The following AKR1C2 variants were observed in gnomAD, a reference collection of about 807,000 sequenced individuals.
AKR1C2 encodes aldo-keto reductase family 1 member C2, also known as 3-alpha-HSD3.
Under a neutral mutation model 39.8 loss-of-function variants are expected in AKR1C2, and 27 were observed. The observed-to-expected ratio is 0.68, with a 90% CI of 0.50 to 0.93. The LOEUF (loss-of-function observed/expected upper bound fraction) is 0.93. AKR1C2 is among the 40% of genes least tolerant of loss of function. The pLI is 0.00. For missense variants in AKR1C2, 263 were observed against 365.1 expected (o/e 0.72, Z 2.28); for synonymous variants, 114 against 137.9 (o/e 0.83, Z 1.22).
intron 3 of AKR1C2, 119 bp downstream of exon 3, chr10:5,000,431 C>T (rs782277997): frequency 6.9e-6 from 11 of 1,592,870 alleles, no homozygotes; most frequent in Non-Finnish European, 8.6e-6. Context: ...GTTTAGGGCT[C>T]TTCTTCCATG....
At chr10:5,001,973 C>T (rs1837287724) in intron 1 of AKR1C2, among the ~76,000 whole-genome samples, 1 of 152,132 alleles carries the variant, frequency 6.6e-6, no homozygotes, top group Non-Finnish European at 1.5e-5. Flanking sequence ...CAGGACGCAA[C>T]TATAGTTACA....
intron 7 of AKR1C2, among the ~76,000 whole-genome samples, chr10:4,993,009 A>G (rs1554772433): frequency 1.3e-5 from 2 of 152,062 alleles, no homozygotes; most frequent in African/African-American, 4.8e-5. Context: ...TTATTAAGAG[A>G]TGATTTATTA....
rs184650896 is a variant in AKR1C2 at position 5,001,796 on chromosome 10, T to C, written c.85-115A>G. ...TTCCTCCTTTCTTGGATGAGCTCTG[T>C]ATGTAGAATCATAAGCCCATCCCAG... On this transcript the variant is annotated intron_variant, in intron 1 of 8. Coordinates refer to ENST00000380753, the MANE Select transcript of AKR1C2 (RefSeq NM_001393392.1). The C allele has an allele frequency of 2.3e-4, 309 of 1,368,904 alleles. 2 individuals are homozygous for C. The East Asian group carries it at 5.7e-3, about 25-fold the overall frequency. 84.8% of individuals were successfully genotyped at this position (1,368,904 alleles called of 1,614,324 possible). A position where few individuals can be genotyped will look rare whatever the true frequency, so the allele number is the denominator to read the frequency against.
intron 7 of AKR1C2, among the ~76,000 whole-genome samples, chr10:4,994,072 A>C (rs1836935433): frequency 6.6e-6 from 1 of 151,446 alleles, no homozygotes; most frequent in South Asian, 2.1e-4. Flanking sequence ...ATTTTACTTA[A>C]TGTTTTAGTA....
At position 4,988,989 on chromosome 10, in the gene AKR1C2, A is replaced by C. The variant is rs1319502753; in HGVS notation, c.*1007T>G. The C allele has an allele frequency of 6.6e-6, 1 of 152,164 alleles. No individual in the cohort carries two copies. The highest frequency in any genetic ancestry group is 6.5e-5 in the Admixed American group (1 of 15,280). The allele number at this position is 152,164 out of a possible 1,614,324, so 9.4% of individuals were successfully genotyped here. A position where few individuals can be genotyped will look rare whatever the true frequency, so the allele number is the denominator to read the frequency against. ...GAACATTTGATTTATTAGATGTATT[A>C]TTTCCCATTTTAATCTTGAGTGCCA... On this transcript the variant is annotated 3_prime_UTR_variant, in exon 9 of 9. Transcript: ENST00000380753.
At chr10:5,001,774 C>G in intron 1 of AKR1C2, 93 bp from the exon 2 acceptor site, 1 of 1,550,266 alleles carries the variant, frequency 6.5e-7, no homozygotes, top group Non-Finnish European at 8.8e-7. Context: ...TCAGCTTTTC[C>G]TCCTTTCTTG....
intron 3 of AKR1C2, 69 bp from the exon 4 acceptor site, chr10:4,999,346 T>G: frequency 6.3e-7 from 1 of 1,594,664 alleles, no homozygotes; most frequent in Non-Finnish European, 8.5e-7. Flanking sequence ...TGCTCTGAGG[T>G]ACATTTAAGG....
chr10:5,010,863 T>C (rs1837509094), intron 1 of AKR1C2, among the ~76,000 whole-genome samples: 1 of 152,078 alleles, frequency 6.6e-6, no homozygotes, highest in African/African-American at 2.4e-5. Context: ...AAAGTCTTAA[T>C]TAAATATAAG....
intron 1 of AKR1C2, among the ~76,000 whole-genome samples, chr10:5,002,704 C>G (rs1480274232): frequency 6.6e-6 from 1 of 152,178 alleles, no homozygotes; most frequent in African/African-American, 2.4e-5. Context: ...ATCTTCCCAC[C>G]TTGAAAGTAT....
At chr10:4,990,392 C>A (rs1836794992) in intron 8 of AKR1C2, among the ~76,000 whole-genome samples, 1 of 152,178 alleles carries the variant, frequency 6.6e-6, no homozygotes. Context: ...GGAACTCCTT[C>A]TGCCTTACAT....
chr10:4,996,051 A>AT, intron 5 of AKR1C2, 186 bp from the exon 6 acceptor site: 1 of 733,504 alleles, frequency 1.4e-6, no homozygotes, highest in Non-Finnish European at 2.1e-6. Flanking sequence ...TAGAAATGCT[A>AT]TTTCTGAGCA....
intron 7 of AKR1C2, among the ~76,000 whole-genome samples, chr10:4,993,488 C>T (rs1329852626): frequency 6.6e-6 from 1 of 151,468 alleles, no homozygotes; most frequent in East Asian, 1.9e-4. Context: ...AAAGTCATAC[C>T]CATTAGAATT....
intron 1 of AKR1C2, chr10:5,013,721 A>G (rs1241271787): frequency 6.6e-6 from 1 of 152,230 alleles, no homozygotes; most frequent in East Asian, 1.9e-4. Flanking sequence ...ATAACATACA[A>G]TTCATCATTT....
intron 1 of AKR1C2, among the ~76,000 whole-genome samples, chr10:5,002,833 G>A (rs1316727098): frequency 8.5e-5 from 13 of 152,098 alleles, no homozygotes; most frequent in Admixed American, 3.3e-4. Flanking sequence ...TACCAAGGCC[G>A]GAGCTTCAGT....
Position 4,989,850 on chromosome 10 carries a change from G to A in AKR1C2, c.*146C>T, listed in dbSNP as rs568810684. On this transcript the variant is annotated 3_prime_UTR_variant, in exon 9 of 9. Coordinates refer to ENST00000380753, the MANE Select transcript of AKR1C2 (RefSeq NM_001393392.1). ...AAATTATTGTCTTTCTTTTCCGGCC[G>A]ATGGGCTTAGCTGTAGCTTACTGAA... 81 of 1,175,606 alleles carry A rather than the reference G, an allele frequency of 6.9e-5. No individual in the cohort carries two copies. In the African/African-American group the frequency reaches 7.1e-4, roughly 10 times the overall value. The allele number at this position is 1,175,606 out of a possible 1,614,324, so 72.8% of individuals were successfully genotyped here.
In AKR1C2 at chr10:5,014,463, T is replaced by A. The variant is rs112438707; in HGVS notation, c.-88+3437A>T. Among the ~76,000 whole-genome samples, 1,022 of 152,172 alleles carry A rather than the reference T, an allele frequency of 6.7e-3. 14 individuals carry two copies. Among genetic ancestry groups the A allele is most frequent in the African/African-American group, 0.023 (971 of 41,490 alleles). ...CTCATCCGAAATGCATGCTATCATG[T>A]GTATATTTTGGCATTGGTTGAACAA... On this transcript the variant is annotated intron_variant, in intron 1 of 6. Coordinates refer to the AKR1C2 transcript ENST00000604507.
chr10:5,005,157 A>G (rs1290099537), upstream of AKR1C2, among the ~76,000 whole-genome samples: 2 of 152,188 alleles, frequency 1.3e-5, no homozygotes, highest in Non-Finnish European at 2.9e-5. Context: ...AAATTTCATA[A>G]TAGTAAGCAA....
rs1837562600 is a variant in AKR1C2, at chr10:5,013,344, TAAAAG to T, written c.-88+4551_-88+4555del. 1.3e-5 allele frequency: 2 copies of T among 152,226 alleles called. 1 individual carries two copies. Among genetic ancestry groups the T allele is most frequent in the South Asian group, 4.1e-4 (2 of 4,838 alleles). 9.4% of individuals were successfully genotyped at this position (152,226 alleles called of 1,614,324 possible). A position where few individuals can be genotyped will look rare whatever the true frequency, so the allele number is the denominator to read the frequency against. ...CATTATTTAATATTTATGGAAAAGT[TAAAAG>T]AAATACACATAACCGTGTCATGGCT... On this transcript the variant is annotated intron_variant, in intron 1 of 6. Coordinates refer to the AKR1C2 transcript ENST00000604507.
chr10:5,001,070 T>C (rs1837253779), intron 2 of AKR1C2, among the ~76,000 whole-genome samples: 1 of 152,204 alleles, frequency 6.6e-6, no homozygotes, highest in East Asian at 1.9e-4. Context: ...ATATGTTAAC[T>C]TGGGCTGGAT....
Sources: allele counts gnomAD v4.1 joint callset (sites outside exome capture counted in the v4.1 genomes callset), GRCh38; gene constraint gnomAD v4.1.1; transcripts MANE v1.5; gene names NCBI Gene and HGNC (gene_info 2026-07-23, HGNC 2026-07-21).